Variants in GMNC observed in about 807,000 individuals in gnomAD.
The protein encoded by GMNC is geminin coiled-coil domain containing.
A neutral mutation model predicts 33.6 loss-of-function variants in GMNC; 16 were observed. The ratio of observed to expected loss-of-function variants is 0.48; its 90% CI spans 0.32 to 0.72. The LOEUF (loss-of-function observed/expected upper bound fraction) is 0.72. Among genes scored for constraint, GMNC ranks in the 30% least tolerant of loss-of-function variants. GMNC has a pLI of 0.03. For synonymous variants in GMNC, 156 were observed against 147.3 expected, an observed-to-expected ratio of 1.06 and a Z score of -0.43; for missense variants, 393 against 388.9, an observed-to-expected ratio of 1.01 and a Z score of -0.09.
chr3:190,845,657 A>G, the GMNC span, among the ~76,000 whole-genome samples: 1,583 of 151,408 alleles, frequency 0.01, 28 homozygotes, highest in African/African-American at 0.037. Flanking sequence ...TTACAGACAT[A>G]TGCCACCACG....
In GMNC at chr3:190,855,596, T is replaced by A; in HGVS notation, c.704A>T (p.Asn235Ile). Residue 235 changes from asparagine (N) to isoleucine (I), a missense_variant, in exon 5 of 5, where the codon AAT becomes ATT. Transcript: ENST00000442080. ...AATTGGCATATCCTCTCTGGGGATATTTTTATAATCAACTGCATCATCCGG... is the reference window on the plus strand; with the variant it reads ...AATTGGCATATCCTCTCTGGGGATAATTTTATAATCAACTGCATCATCCGG... ...QFPDDAVDYKNIPREDMPIDY... is the reference protein window; with the variant it reads ...QFPDDAVDYKIIPREDMPIDY... 1 of 1,551,590 alleles carries A rather than the reference T, an allele frequency of 6.4e-7. No individual in the cohort carries two copies. The highest frequency in any genetic ancestry group is 8.7e-7 in the Non-Finnish European group (1 of 1,146,894).
chr3:190,844,898 C>G, the GMNC span, among the ~76,000 whole-genome samples: 1 of 152,148 alleles, frequency 6.6e-6, no homozygotes, highest in Non-Finnish European at 1.5e-5. Flanking sequence ...AATTAGCTTA[C>G]TTTGTTATCT....
At chr3:190,847,388 G>A in the GMNC span, among the ~76,000 whole-genome samples, 1 of 152,168 alleles carries the variant, frequency 6.6e-6, no homozygotes, top group Non-Finnish European at 1.5e-5. Context: ...ATTTCTCACA[G>A]CTCCTTCTCC....
At position 190,858,964 on chromosome 3, in the gene GMNC, C is replaced by A. The variant is rs1357513166; in HGVS notation, c.231G>T (p.Glu77Asp). The A allele has an allele frequency of 6.4e-7, 1 of 1,550,430 alleles. No homozygotes were observed. Among genetic ancestry groups the A allele is most frequent in the African/African-American group, 1.4e-5 (1 of 73,006 alleles). ...TGTAGAGCTGAGAGGAAAGCTGAGC[C>A]TCTTCCCATGAGCACAAGTCCGGAA... Reference protein sequence around the residue: ...FPLPDLCSWEEAQLSSQLYRN... With the variant: ...FPLPDLCSWEDAQLSSQLYRN... The change falls in exon 3 of 5, where the codon GAG (glutamate) becomes GAT (aspartate). Residue 77 changes from glutamate to aspartate, a missense_variant. Transcript: ENST00000442080.
the GMNC span, among the ~76,000 whole-genome samples, chr3:190,843,359 A>T: frequency 6.6e-6 from 1 of 152,140 alleles, no homozygotes; most frequent in Non-Finnish European, 1.5e-5. Flanking sequence ...ATATATAATA[A>T]TAGTCACATT....
chr3:190,860,922 G>T, intron 1 of GMNC, 64 bp from the exon 2 acceptor site: 2 of 1,202,338 alleles, frequency 1.7e-6, no homozygotes, highest in African/African-American at 1.5e-5. Flanking sequence ...GATTTAGAAG[G>T]GGGAAAGGGT....
chr3:190,854,706 A>G lies in GMNC; in HGVS notation c.*589T>C, dbSNP rs1737695164. ...TACAGTTGTTTTAAGAGGCTTTGTC[A>G]ATGCCACTATGGGGCACTGAACTTT... On this transcript the variant is annotated 3_prime_UTR_variant, in exon 5 of 5. Coordinates refer to ENST00000442080, the MANE Select transcript of GMNC (RefSeq NM_001146686.3). The G allele has an allele frequency of 6.5e-6, 1 of 152,912 alleles. No individual in the cohort carries two copies. The highest frequency in any genetic ancestry group is 1.9e-4 in the East Asian group (1 of 5,204). The allele number at this position is 152,912 out of a possible 1,614,324, so 9.5% of individuals were successfully genotyped here.
intron 4 of GMNC, among the ~76,000 whole-genome samples, chr3:190,857,285 G>A (rs1737766352): frequency 6.6e-6 from 1 of 151,698 alleles, no homozygotes; most frequent in Admixed American, 6.6e-5. Flanking sequence ...AATATAATTT[G>A]TAAATGCCAA....
intron 4 of GMNC, among the ~76,000 whole-genome samples, chr3:190,856,280 AT>A (rs1340410861): frequency 7.0e-5 from 10 of 142,778 alleles, no homozygotes; most frequent in African/African-American, 1.8e-4. Flanking sequence ...ACTTATATTT[AT>A]TTATAAATAT....
chr3:190,858,985 C>A lies in GMNC; in HGVS notation c.210G>T (p.Pro70=), dbSNP rs896176057. ...ESFSDSNFPL[P]DLCSWEEAQL... ...GAGCCTCTTCCCATGAGCACAAGTCCGGAAGAGGAAAATTTGAGTCACTGA... is the reference window on the plus strand; with the variant it reads ...GAGCCTCTTCCCATGAGCACAAGTCAGGAAGAGGAAAATTTGAGTCACTGA... Residue 70 remains proline (P), a synonymous_variant, in exon 3 of 5, where the codon CCG becomes CCT. Transcript: ENST00000442080. 3.2e-6 allele frequency: 5 copies of A among 1,549,704 alleles called. No homozygotes were observed. In the South Asian group the frequency reaches 6.0e-5, roughly 18 times the overall value.
At position 190,862,526 on chromosome 3, in the gene GMNC, G is replaced by C. The variant is rs1737895832; in HGVS notation, c.3+87C>G. 2.0e-6 allele frequency: 2 copies of C among 1,013,896 alleles called. No individual in the cohort carries two copies. The highest frequency in any genetic ancestry group is 1.6e-5 in the African/African-American group (1 of 62,626). 62.8% of individuals were successfully genotyped at this position (1,013,896 alleles called of 1,614,324 possible). ...GGTAGCGGAGAAATCTTGCTCCGAA[G>C]GTGGAATAAATTCTAAATGCAAAGC... On this transcript the variant is annotated intron_variant, in intron 1 of 4. Coordinates refer to ENST00000442080, the MANE Select transcript of GMNC (RefSeq NM_001146686.3). This position sits in a 1 kb window ranked among gnomAD's most constrained non-coding sequence, Gnocchi z 4.5.
At position 190,862,566 on chromosome 3, in the gene GMNC, A is replaced by C. The variant is rs1213410087; in HGVS notation, c.3+47T>G. The C allele has an allele frequency of 1.4e-6, 2 of 1,402,514 alleles. No homozygotes were observed. Among genetic ancestry groups the C allele is most frequent in the Admixed American group, 3.9e-5 (2 of 50,840 alleles). The allele number at this position is 1,402,514 out of a possible 1,614,324, so 86.9% of individuals were successfully genotyped here. On this transcript the variant is annotated intron_variant, in intron 1 of 4. Coordinates refer to ENST00000442080, the MANE Select transcript of GMNC (RefSeq NM_001146686.3). The surrounding 1 kb of genome is among the most constrained non-coding windows in gnomAD (Gnocchi z 4.5). ...AAATGCAAAGCTTATTAACTTTCAG[A>C]GACCCAAGTTTGCCAGCGGACTAGC... is the stretch of plus-strand genomic sequence containing the variant.
chr3:190,846,414 T>C, the GMNC span, among the ~76,000 whole-genome samples: 22 of 152,318 alleles, frequency 1.4e-4, no homozygotes, highest in African/African-American at 5.1e-4. Flanking sequence ...AAAGTAATTA[T>C]AAACTTACTG....
Position 190,860,848 on chromosome 3 carries a change from A to G in GMNC, c.14T>C (p.Leu5Pro). ...TACAAAGTACTGGTCTTGGCAAGGC[A>G]GAATGGTGTTCTGTGAAATTCAGTA... MNTI[L>P]PCQDQYFVGG... The change falls in exon 2 of 5, where the codon CTG becomes CCG. Residue 5 changes from leucine to proline, a missense_variant. Transcript: ENST00000442080. The G allele has an allele frequency of 6.5e-7, 1 of 1,548,726 alleles. No individual in the cohort carries two copies. Among genetic ancestry groups the G allele is most frequent in the Non-Finnish European group, 8.7e-7 (1 of 1,145,054 alleles).
chr3:190,850,596 AG>A (rs1333231021), downstream of GMNC, among the ~76,000 whole-genome samples: 3 of 152,238 alleles, frequency 2.0e-5, no homozygotes, highest in African/African-American at 4.8e-5. Flanking sequence ...ACCTGCCTGC[AG>A]GACTCTTTGC....
downstream of GMNC, among the ~76,000 whole-genome samples, chr3:190,849,991 T>C (rs934821301): frequency 6.6e-6 from 1 of 152,242 alleles, no homozygotes; most frequent in Non-Finnish European, 1.5e-5. Flanking sequence ...GTAACAGTAA[T>C]TGAGAAACAG....
At chr3:190,859,108 G>A (rs1737809456) in intron 2 of GMNC, 92 bp from the exon 3 acceptor site, 1 of 761,638 alleles carries the variant, frequency 1.3e-6, no homozygotes. Flanking sequence ...AGTTTAATAG[G>A]TTCAATTATT....
the GMNC span, among the ~76,000 whole-genome samples, chr3:190,845,133 A>G: frequency 4.6e-5 from 7 of 152,214 alleles, no homozygotes; most frequent in Admixed American, 3.9e-4. Flanking sequence ...TAATTTTATT[A>G]ACTTAAACTT....
Position 190,858,985 on chromosome 3 carries a change from C to T in GMNC, c.210G>A (p.Pro70=), listed in dbSNP as rs896176057. 7.2e-5 allele frequency: 112 copies of T among 1,549,702 alleles called. 2 individuals carry two copies. The highest frequency in any genetic ancestry group is 7.1e-4 in the South Asian group (60 of 83,928). The change falls in exon 3 of 5, where the codon CCG becomes CCA. Residue 70 remains proline (P), a synonymous_variant. Transcript: ENST00000442080. ...GAGCCTCTTCCCATGAGCACAAGTCCGGAAGAGGAAAATTTGAGTCACTGA... is the reference window on the plus strand; with the variant it reads ...GAGCCTCTTCCCATGAGCACAAGTCTGGAAGAGGAAAATTTGAGTCACTGA... ...ESFSDSNFPL[P]DLCSWEEAQL...
Sources: allele counts gnomAD v4.1 joint callset (sites outside exome capture counted in the v4.1 genomes callset), GRCh38; gene constraint gnomAD v4.1.1; non-coding constraint Gnocchi (gnomAD v3.1); transcripts MANE v1.5; gene names NCBI Gene and HGNC (gene_info 2026-07-23, HGNC 2026-07-21).